SGK1: variants seen among roughly 807,000 people sequenced by gnomAD.
SGK1 encodes serum/glucocorticoid regulated kinase 1.
Under a neutral mutation model 64.2 loss-of-function variants are expected in SGK1, and 26 were observed. That is an observed-to-expected ratio of 0.40 (90% CI 0.30 to 0.56). The LOEUF (loss-of-function observed/expected upper bound fraction) is 0.56, where lower values mean the gene tolerates loss of function less well. Among genes scored for constraint, SGK1 ranks in the 20% least tolerant of loss-of-function variants. The probability of loss-of-function intolerance (pLI) is 0.38; values close to 1 mark genes in which losing one functional copy is unlikely to be tolerated. For missense variants in SGK1, 519 were observed against 645.6 expected (o/e 0.80, Z 2.12); for synonymous variants, 265 against 239.7 (o/e 1.11, Z -0.98).
At chr6:134,300,547 A>G (rs558871210) in intron 1 of SGK1, among the ~76,000 whole-genome samples, 84 of 151,320 alleles carry the variant, frequency 5.6e-4, no homozygotes, top group African/African-American at 1.9e-3. Context: ...CAAAAAAAAA[A>G]AAAAAAAGAA....
At chr6:134,240,781 A>G (rs1189163138) in intron 2 of SGK1, among the ~76,000 whole-genome samples, 1 of 152,218 alleles carries the variant, frequency 6.6e-6, no homozygotes, top group Non-Finnish European at 1.5e-5. Context: ...AAAAACGATT[A>G]CATCAGGCAC....
chr6:134,279,078 T>G (rs1777056780), intron 1 of SGK1, among the ~76,000 whole-genome samples: 1 of 152,188 alleles, frequency 6.6e-6, no homozygotes. Flanking sequence ...TGTGGTGGCA[T>G]GCACCTGGAG....
At position 134,170,240 on chromosome 6, in the gene SGK1, A is replaced by G. The variant is rs774837183; in HGVS notation, c.*28T>C. 2 of 1,567,768 alleles carry G rather than the reference A, an allele frequency of 1.3e-6. No homozygotes were observed. Among genetic ancestry groups the G allele is most frequent in the African/African-American group, 1.4e-5 (1 of 73,336 alleles). On this transcript the variant is annotated 3_prime_UTR_variant, in exon 14 of 14. Transcript: ENST00000367858. ...TAAAACATTCGGAAACACACATAAAATCCTTTAAAACCAAGCCCTAACAGG... is the reference window on the plus strand; with the variant it reads ...TAAAACATTCGGAAACACACATAAAGTCCTTTAAAACCAAGCCCTAACAGG...
intron 2 of SGK1, chr6:134,260,942 T>C (rs907495959): frequency 6.6e-6 from 1 of 152,214 alleles, no homozygotes; most frequent in Admixed American, 6.5e-5. Context: ...AAATATTGTA[T>C]TTTTATGTCA....
chr6:134,231,145 C>T (rs938103357), intron 2 of SGK1, among the ~76,000 whole-genome samples: 3 of 152,148 alleles, frequency 2.0e-5, no homozygotes, highest in Admixed American at 1.3e-4. Flanking sequence ...ACTGTGATTG[C>T]ATTACTGCAT....
chr6:134,195,014 AT>A (rs1775575950), intron 3 of SGK1, among the ~76,000 whole-genome samples: 1 of 152,192 alleles, frequency 6.6e-6, no homozygotes, highest in Non-Finnish European at 1.5e-5. Context: ...ATTCAAAATA[AT>A]GAGAGCAGAT....
At chr6:134,187,930 A>G (rs1300215667) in intron 3 of SGK1, among the ~76,000 whole-genome samples, 1 of 152,236 alleles carries the variant, frequency 6.6e-6, no homozygotes, top group Non-Finnish European at 1.5e-5. Flanking sequence ...GAAAGGTGCC[A>G]TATCAGAGGC....
intron 1 of SGK1, among the ~76,000 whole-genome samples, chr6:134,293,594 C>T (rs1204326574): frequency 6.6e-6 from 1 of 152,090 alleles, no homozygotes; most frequent in Non-Finnish European, 1.5e-5. Flanking sequence ...GAACAGAAAT[C>T]AGACCACTTA....
At position 134,225,311 on chromosome 6, in the gene SGK1, A is replaced by G. The variant is rs531195560; in HGVS notation, c.286-17880T>C. Reference sequence around the variant, plus strand: ...GGCTGCAGTGAGCTGAGATCGGACCACTGCACTCCAGCCTGGGTGACAGAG... The same window carrying G: ...GGCTGCAGTGAGCTGAGATCGGACCGCTGCACTCCAGCCTGGGTGACAGAG... On this transcript the variant is annotated intron_variant, in intron 2 of 13. Transcript: ENST00000367858. Among the ~76,000 whole-genome samples the G allele has an allele frequency of 3.4e-5, 5 of 149,160 alleles. No individual in the cohort carries two copies. In the South Asian group the frequency reaches 1.1e-3, roughly 31 times the overall value.
Position 134,268,671 on chromosome 6 carries a change from T to C in SGK1, c.70-6523A>G, listed in dbSNP as rs111924610. Among the ~76,000 whole-genome samples the C allele has an allele frequency of 1.5e-4, 20 of 132,764 alleles. 4 individuals are homozygous for C. The East Asian group carries it at 1.7e-3, about 11-fold the overall frequency. 87.1% of individuals were successfully genotyped at this position (132,764 alleles called of 152,430 possible). A position where few individuals can be genotyped will look rare whatever the true frequency, so the allele number is the denominator to read the frequency against. On this transcript the variant is annotated intron_variant, in intron 1 of 13. Coordinates refer to ENST00000367858, the MANE Select transcript of SGK1 (RefSeq NM_001143676.3). ...CCGGGAGGCGGAGCTTGCAGTGAGC[T>C]GAGATCGCGCCACTGCACTCCAGCC...
intron 1 of SGK1, among the ~76,000 whole-genome samples, chr6:134,290,246 C>G (rs576108918): frequency 6.0e-5 from 9 of 150,216 alleles, no homozygotes; most frequent in Non-Finnish European, 8.9e-5. Context: ...ATTGTTTGAG[C>G]GCAGGAGTTC....
rs1776776914 is a variant in SGK1, at chr6:134,262,153, A to C, written c.70-5T>G. ...GCTCTTGATCCACCTTCGTACCTGCAATGTGCAAAAGGAAAGAAAAAACAA... is the reference window on the plus strand; with the variant it reads ...GCTCTTGATCCACCTTCGTACCTGCCATGTGCAAAAGGAAAGAAAAAACAA... On this transcript the variant is annotated splice_polypyrimidine_tract_variant and splice_region_variant and intron_variant, in intron 1 of 13. Coordinates refer to ENST00000367858, the MANE Select transcript of SGK1 (RefSeq NM_001143676.3). 4.5e-6 allele frequency: 7 copies of C among 1,561,558 alleles called. No individual in the cohort carries two copies. Among genetic ancestry groups the C allele is most frequent in the Non-Finnish European group, 6.1e-6 (7 of 1,149,236 alleles).
At chr6:134,180,936 A>G (rs980146063) in intron 3 of SGK1, among the ~76,000 whole-genome samples, 10 of 152,002 alleles carry the variant, frequency 6.6e-5, no homozygotes, top group African/African-American at 2.4e-4. Flanking sequence ...AGGCATTTGC[A>G]TTTTAAAAGG....
intron 1 of SGK1, among the ~76,000 whole-genome samples, chr6:134,296,590 G>A (rs1242886467): frequency 6.6e-6 from 1 of 152,030 alleles, no homozygotes; most frequent in African/African-American, 2.4e-5. Context: ...CTAAAGTGCT[G>A]AGATTACAGG....
intron 1 of SGK1, among the ~76,000 whole-genome samples, chr6:134,314,131 T>C (rs1475149144): frequency 6.6e-6 from 1 of 152,136 alleles, no homozygotes; most frequent in African/African-American, 2.4e-5. Flanking sequence ...TAAGCTGCTT[T>C]AGTTGAGCTT....
At chr6:134,294,636 G>A (rs1411357671) in intron 1 of SGK1, among the ~76,000 whole-genome samples, 2 of 152,174 alleles carry the variant, frequency 1.3e-5, no homozygotes, top group African/African-American at 4.8e-5. Context: ...CAGGGTTCAA[G>A]TGATTCTCCT....
intron 3 of SGK1, chr6:134,175,018 GTTCTGTCCCCA>G: frequency 1.0e-6 from 1 of 993,974 alleles, no homozygotes; most frequent in Non-Finnish European, 1.4e-6. Context: ...GCGGCGGGCG[GTTCTGTCCCCA>G]TTGAGAGGGC....
At chr6:134,256,572 T>C (rs1321304782) in intron 2 of SGK1, among the ~76,000 whole-genome samples, 1 of 152,016 alleles carries the variant, frequency 6.6e-6, no homozygotes, top group East Asian at 1.9e-4. Flanking sequence ...CAATACAGAG[T>C]AGAGTTTGTG....
intron 3 of SGK1, among the ~76,000 whole-genome samples, chr6:134,206,365 ATATATATATATATATATATTTTTTTT>A (rs1334300332): frequency 1.1e-3 from 11 of 10,272 alleles, no homozygotes; most frequent in African/African-American, 2.2e-3. Context: ...ATATATATAT[ATATATATATATATATATATTTTTTTT>A]TTTTTTTTTT....
Sources: gnomAD v4.1 joint callset for allele counts (sites outside exome capture counted in the v4.1 genomes callset) on GRCh38, gnomAD v4.1.1 for gene constraint, MANE v1.5 for transcripts, NCBI Gene and HGNC (gene_info 2026-07-23, HGNC 2026-07-21) for gene names.